The following GEMIN2 variants were observed in gnomAD, a reference collection of about 807,000 sequenced individuals.
The protein encoded by GEMIN2 is gem-associated protein 2.
GEMIN2 carries 37 observed loss-of-function variants against 45.8 expected under a neutral mutation model. That is an observed-to-expected ratio of 0.81 (90% CI 0.62 to 1.06). GEMIN2 has a LOEUF of 1.06. GEMIN2 is among the 50% of genes least tolerant of loss of function. The pLI is 0.00. For synonymous variants in GEMIN2, 101 were observed against 111.5 expected, an observed-to-expected ratio of 0.91 and a Z score of 0.60; for missense variants, 335 against 321.8, an observed-to-expected ratio of 1.04 and a Z score of -0.31.
At chr14:39,135,297 A>G (rs372438176) in intron 9 of GEMIN2, among the ~76,000 whole-genome samples, 1 of 152,314 alleles carries the variant, frequency 6.6e-6, no homozygotes, top group African/African-American at 2.4e-5. Context: ...AAGTTTAGGA[A>G]AAAAAGGACC....
chr14:39,118,152 T>G lies in GEMIN2; in HGVS notation c.312+64T>G, dbSNP rs576001032. 3.6e-4 allele frequency: 279 copies of G among 783,890 alleles called. 6 individuals carry two copies. In the South Asian group the frequency reaches 4.7e-3, roughly 13 times the overall value. The allele number at this position is 783,890 out of a possible 1,614,324, so 48.6% of individuals were successfully genotyped here. A position where few individuals can be genotyped will look rare whatever the true frequency, so the allele number is the denominator to read the frequency against. ...TTTATTTCTGTTCTTAGACTGTAGCTGGAAAAATAAAATTTATGATCCTAA... is the reference window on the plus strand; with the variant it reads ...TTTATTTCTGTTCTTAGACTGTAGCGGGAAAAATAAAATTTATGATCCTAA... On this transcript the variant is annotated intron_variant, in intron 3 of 9. Transcript: ENST00000308317.
At chr14:39,118,335 G>C (rs1215594233) in intron 3 of GEMIN2, among the ~76,000 whole-genome samples, 1 of 152,086 alleles carries the variant, frequency 6.6e-6, no homozygotes, top group Admixed American at 6.6e-5. Context: ...ACATGGATAA[G>C]TTCTTTAGTG....
chr14:39,135,236 A>T (rs1263076781), intron 9 of GEMIN2, among the ~76,000 whole-genome samples: 1 of 152,236 alleles, frequency 6.6e-6, no homozygotes, highest in Non-Finnish European at 1.5e-5. Context: ...GTTCTAGACT[A>T]CAAAAGGTTC....
chr14:39,117,860 CT>C (rs1472419097), intron 2 of GEMIN2, 138 bp from the exon 3 acceptor site: 5 of 461,556 alleles, frequency 1.1e-5, no homozygotes, highest in African/African-American at 8.1e-5. Flanking sequence ...TTTTTTACAT[CT>C]GCAAAAATAT....
At chr14:39,126,715 CTTTGA>C (rs1408220558) in intron 6 of GEMIN2, among the ~76,000 whole-genome samples, 2 of 152,038 alleles carry the variant, frequency 1.3e-5, no homozygotes, top group African/African-American at 2.4e-5. Flanking sequence ...CAGATTTGTA[CTTTGA>C]TTTAATTTGA....
chr14:39,123,637 A>G (rs891394352), intron 5 of GEMIN2, among the ~76,000 whole-genome samples: 6 of 144,250 alleles, frequency 4.2e-5, no homozygotes, highest in South Asian at 4.4e-4. Flanking sequence ...TATATAACCA[A>G]TTGATCTTTT....
intron 7 of GEMIN2, among the ~76,000 whole-genome samples, chr14:39,129,678 G>A (rs2052690196): frequency 6.6e-6 from 1 of 152,058 alleles, no homozygotes; most frequent in African/African-American, 2.4e-5. Flanking sequence ...CTCTCAAAGT[G>A]TTGGAATTAC....
In GEMIN2 at chr14:39,136,418, T is replaced by TTG. The variant is rs146999348; in HGVS notation, c.771-21_771-20insGT. The TTG allele has an allele frequency of 6.6e-3, 8,351 of 1,271,630 alleles. 367 individuals carry two copies. In the African/African-American group the frequency reaches 0.1, roughly 16 times the overall value. 78.8% of individuals were successfully genotyped at this position (1,271,630 alleles called of 1,614,324 possible). The stretch of plus-strand genomic sequence containing the variant: ...TACAGTTAATATCTTTATACATAAA[T>TTG]TTTTTGTTTTTTTTTTACTAGGTAT... On this transcript the variant is annotated intron_variant, in intron 9 of 9. Transcript: ENST00000308317.
At chr14:39,121,326 G>A (rs2052569961) in intron 4 of GEMIN2, among the ~76,000 whole-genome samples, 1 of 152,142 alleles carries the variant, frequency 6.6e-6, no homozygotes, top group South Asian at 2.1e-4. Flanking sequence ...GAGGCCAGGA[G>A]TTTGAGACCA....
At chr14:39,132,891 C>T (rs971563242) in intron 8 of GEMIN2, among the ~76,000 whole-genome samples, 3 of 150,558 alleles carry the variant, frequency 2.0e-5, no homozygotes, top group Admixed American at 1.3e-4. Context: ...GTTGGCCAGA[C>T]TGGTCTCAAA....
rs763581255 is a variant in GEMIN2 at position 39,128,328 on chromosome 14, A to C, written c.580A>C (p.Arg194=). 1 of 1,579,160 alleles carries C rather than the reference A, an allele frequency of 6.3e-7. No individual in the cohort carries two copies. Among genetic ancestry groups the C allele is most frequent in the Admixed American group, 1.7e-5 (1 of 58,236 alleles). Residue 194 remains arginine (R), a synonymous_variant, in exon 7 of 10, where the codon AGA becomes CGA. Transcript: ENST00000308317. ...ATATCTGAGTAATTGGTTTGGAGAAAGAGACTTTACTCCAGAATTGGTAGT... is the reference window on the plus strand; with the variant it reads ...ATATCTGAGTAATTGGTTTGGAGAACGAGACTTTACTCCAGAATTGGTAGT... ...LEYLSNWFGE[R]DFTPELGRWL...
At position 39,136,489 on chromosome 14, in the gene GEMIN2, T is replaced by C; in HGVS notation, c.*10T>C. On this transcript the variant is annotated 3_prime_UTR_variant, in exon 10 of 10. Transcript: ENST00000308317. ...TGATGAGCCATCTTGATGTAGCTGA[T>C]CTCTCAGGGATAGAAGATATTTCTC... 1 of 1,598,086 alleles carries C rather than the reference T, an allele frequency of 6.3e-7. No individual in the cohort carries two copies. The highest frequency in any genetic ancestry group is 8.6e-7 in the Non-Finnish European group (1 of 1,166,632).
chr14:39,124,145 A>G (rs2052611970), intron 5 of GEMIN2, among the ~76,000 whole-genome samples: 1 of 152,186 alleles, frequency 6.6e-6, no homozygotes, highest in Non-Finnish European at 1.5e-5. Context: ...CCCTTAAGGA[A>G]GTAAGCGTTT....
chr14:39,114,830 A>G lies in GEMIN2; in HGVS notation c.139A>G (p.Ile47Val). The G allele has an allele frequency of 6.6e-7, 1 of 1,517,324 alleles. No individual in the cohort carries two copies. Among genetic ancestry groups the G allele is most frequent in the Non-Finnish European group, 9.2e-7 (1 of 1,092,004 alleles). The allele number at this position is 1,517,324 out of a possible 1,614,324, so 94.0% of individuals were successfully genotyped here. The stretch of plus-strand genomic sequence containing the variant: ...ATCGCGTTTATTACTTATTTGTAGG[A>G]TCGAAGCAGCTCAATGTCCAGATGT... ...TPQEYLRRVQ[I>V]EAAQCPDVVV... is the part of the protein sequence containing the mutation. The change falls in exon 2 of 10, where the codon ATC becomes GTC. Residue 47 changes from isoleucine to valine, a missense_variant and splice_region_variant. Coordinates refer to ENST00000308317, the MANE Select transcript of GEMIN2 (RefSeq NM_003616.3).
In GEMIN2 at chr14:39,136,599, A is replaced by G; in HGVS notation, c.*120A>G. 1 of 760,162 alleles carries G rather than the reference A, an allele frequency of 1.3e-6. No individual in the cohort carries two copies. The highest frequency in any genetic ancestry group is 2.5e-5 in the East Asian group (1 of 40,270). 47.1% of individuals were successfully genotyped at this position (760,162 alleles called of 1,614,324 possible). ...CTTCAACACTATGTGAAGGGTTCAC[A>G]TCTTAACCTGTGCAATTCAGATTGA... is the stretch of plus-strand genomic sequence containing the variant. On this transcript the variant is annotated 3_prime_UTR_variant, in exon 10 of 10. Transcript: ENST00000308317.
chr14:39,135,027 T>A (rs1055176700), intron 9 of GEMIN2, among the ~76,000 whole-genome samples: 8 of 152,204 alleles, frequency 5.3e-5, no homozygotes, highest in African/African-American at 1.9e-4. Flanking sequence ...TGGACTTGAT[T>A]TTTTTCCTTT....
intron 4 of GEMIN2, among the ~76,000 whole-genome samples, chr14:39,119,406 A>C (rs1488079448): frequency 6.6e-6 from 1 of 152,210 alleles, no homozygotes; most frequent in African/African-American, 2.4e-5. Flanking sequence ...TTTAGATATA[A>C]CTTTAAGCCC....
At chr14:39,130,601 C>T (rs747254867) in intron 7 of GEMIN2, among the ~76,000 whole-genome samples, 55 of 152,078 alleles carry the variant, frequency 3.6e-4, no homozygotes, top group Non-Finnish European at 7.4e-4. Context: ...TCCCATTTAA[C>T]TACAAGGGAT....
intron 6 of GEMIN2, among the ~76,000 whole-genome samples, chr14:39,125,910 T>C (rs150847043): frequency 0.016 from 2,426 of 151,668 alleles, 74 homozygotes; most frequent in African/African-American, 0.055. Context: ...ATCCCAGCTA[T>C]TTGGGAGGCT....
Sources: allele counts gnomAD v4.1 joint callset (sites outside exome capture counted in the v4.1 genomes callset), GRCh38; gene constraint gnomAD v4.1.1; transcripts MANE v1.5; gene names NCBI Gene and HGNC (gene_info 2026-07-23, HGNC 2026-07-21).